The following FHIT variants were observed in gnomAD, a reference collection of about 807,000 sequenced individuals.
FHIT encodes bis(5'-adenosyl)-triphosphatase.
A neutral mutation model predicts 17.9 loss-of-function variants in FHIT; 19 were observed. The ratio of observed to expected loss-of-function variants is 1.06; its 90% CI spans 0.74 to 1.56. FHIT has a LOEUF of 1.56. Among genes scored for constraint, FHIT ranks in the 40% most tolerant of loss-of-function variants. The pLI, the probability that FHIT is intolerant of heterozygous loss-of-function variation, is 0.00. For synonymous variants in FHIT, 81 were observed against 69.7 expected, an observed-to-expected ratio of 1.16 and a Z score of -0.81; for missense variants, 248 against 189.2, an observed-to-expected ratio of 1.31 and a Z score of -1.82.
At chr3:59,885,140 G>C (rs1019285375) in intron 8 of FHIT, among the ~76,000 whole-genome samples, 2 of 152,166 alleles carry the variant, frequency 1.3e-5, no homozygotes, top group Non-Finnish European at 2.9e-5. Context: ...GCAAAAGAAA[G>C]CTCATCAGTT....
intron 4 of FHIT, among the ~76,000 whole-genome samples, chr3:60,665,082 G>A (rs2040350799): frequency 1.3e-5 from 2 of 151,912 alleles, no homozygotes; most frequent in Non-Finnish European, 2.9e-5. Flanking sequence ...TTGACCTGTT[G>A]ATAACTTAGA....
intron 1 of FHIT, among the ~76,000 whole-genome samples, chr3:61,237,533 C>T (rs1030902005): frequency 2.6e-5 from 4 of 152,024 alleles, no homozygotes; most frequent in African/African-American, 9.7e-5. Context: ...TGAAACTTCA[C>T]CAAATAACAT....
At chr3:60,593,196 T>C (rs2038148993) in intron 4 of FHIT, among the ~76,000 whole-genome samples, 1 of 152,170 alleles carries the variant, frequency 6.6e-6, no homozygotes, top group Admixed American at 6.5e-5. Flanking sequence ...TTATACTCTC[T>C]CACTTTGTAC....
At chr3:60,304,985 A>C (rs1384055608) in intron 5 of FHIT, among the ~76,000 whole-genome samples, 1 of 152,154 alleles carries the variant, frequency 6.6e-6, no homozygotes, top group African/African-American at 2.4e-5. Context: ...ATTGAGAAGG[A>C]TACAGACATT....
intron 4 of FHIT, among the ~76,000 whole-genome samples, chr3:60,675,561 G>T (rs6806749): frequency 0.92 from 140,430 of 152,156 alleles, 64,861 homozygotes; most frequent in Non-Finnish European, 0.94. Flanking sequence ...TGAGTCTGAT[G>T]CACCAGCTTC....
chr3:60,712,605 A>G (rs1414060270), intron 4 of FHIT, among the ~76,000 whole-genome samples: 1 of 152,142 alleles, frequency 6.6e-6, no homozygotes, highest in Non-Finnish European at 1.5e-5. Flanking sequence ...ATGGAAAACA[A>G]AAAAAGGCAA....
chr3:60,341,481 T>C (rs1710513165), intron 5 of FHIT, among the ~76,000 whole-genome samples: 1 of 152,204 alleles, frequency 6.6e-6, no homozygotes. Flanking sequence ...AAAATGTGTT[T>C]CTATCACAAA....
At chr3:60,337,026 C>A (rs995040487) in intron 5 of FHIT, among the ~76,000 whole-genome samples, 1 of 152,078 alleles carries the variant, frequency 6.6e-6, no homozygotes, top group Non-Finnish European at 1.5e-5. Context: ...TTGCCACGAC[C>A]ACACACAAAC....
At chr3:60,675,626 C>T (rs2040605674) in intron 4 of FHIT, among the ~76,000 whole-genome samples, 1 of 152,120 alleles carries the variant, frequency 6.6e-6, no homozygotes, top group Non-Finnish European at 1.5e-5. Context: ...ATTGGTTGCA[C>T]CTGATACCTA....
At chr3:60,155,113 G>A (rs1366270347) in intron 5 of FHIT, among the ~76,000 whole-genome samples, 2 of 151,030 alleles carry the variant, frequency 1.3e-5, no homozygotes, top group Non-Finnish European at 1.5e-5. Flanking sequence ...CCTGAGCCCA[G>A]GAGGTCGAGG....
At chr3:61,041,840 G>GA (rs927890710) in intron 3 of FHIT, among the ~76,000 whole-genome samples, 6 of 152,104 alleles carry the variant, frequency 3.9e-5, no homozygotes, top group Non-Finnish European at 7.4e-5. Flanking sequence ...TGATAATAAT[G>GA]AAAAAAGTGA....
intron 8 of FHIT, among the ~76,000 whole-genome samples, chr3:59,765,273 T>C (rs1211940234): frequency 6.6e-6 from 1 of 152,262 alleles, no homozygotes; most frequent in Non-Finnish European, 1.5e-5. Context: ...TAACTAATTA[T>C]AATTTCAGGT....
At chr3:59,809,699 T>C (rs1700338535) in intron 8 of FHIT, among the ~76,000 whole-genome samples, 1 of 152,182 alleles carries the variant, frequency 6.6e-6, no homozygotes, top group Non-Finnish European at 1.5e-5. Context: ...TTGTAATGAC[T>C]GGGGTTTGTT....
intron 5 of FHIT, among the ~76,000 whole-genome samples, chr3:60,265,081 C>G (rs1706501846): frequency 6.6e-6 from 1 of 151,810 alleles, no homozygotes; most frequent in African/African-American, 2.4e-5. Flanking sequence ...ATATGAACCT[C>G]TCCTGTTTAT....
At chr3:60,289,268 A>G (rs1212168460) in intron 5 of FHIT, among the ~76,000 whole-genome samples, 1 of 152,248 alleles carries the variant, frequency 6.6e-6, no homozygotes, top group Non-Finnish European at 1.5e-5. Context: ...CACTCATTTC[A>G]TTGGACATAT....
chr3:60,094,096 A>T (rs1199486043), intron 5 of FHIT, among the ~76,000 whole-genome samples: 1 of 152,170 alleles, frequency 6.6e-6, no homozygotes, highest in Non-Finnish European at 1.5e-5. Flanking sequence ...AATATTGAAG[A>T]TTAAAAAACA....
chr3:60,238,680 C>G (rs1272725442), intron 5 of FHIT, among the ~76,000 whole-genome samples: 1 of 152,090 alleles, frequency 6.6e-6, no homozygotes, highest in East Asian at 1.9e-4. Flanking sequence ...TTGCACTCTT[C>G]CTTTCCCTGA....
chr3:61,081,704 C>T (rs1321486266), intron 2 of FHIT, among the ~76,000 whole-genome samples: 2 of 152,172 alleles, frequency 1.3e-5, no homozygotes, highest in Admixed American at 6.5e-5. Context: ...CTTTTCTCCT[C>T]TTCTATGAGG....
chr3:60,476,866 A>G (rs2033372323), intron 5 of FHIT, among the ~76,000 whole-genome samples: 1 of 150,834 alleles, frequency 6.6e-6, no homozygotes, highest in Non-Finnish European at 1.5e-5. Flanking sequence ...TTTTTTTAAG[A>G]AGCCTTTTCC....
Sources: allele counts gnomAD v4.1 joint callset (sites outside exome capture counted in the v4.1 genomes callset), GRCh38; gene constraint gnomAD v4.1.1; transcripts MANE v1.5; gene names NCBI Gene and HGNC (gene_info 2026-07-23, HGNC 2026-07-21).